TOM1L1: variants seen among roughly 807,000 people sequenced by gnomAD.
TOM1L1 encodes the protein target of myb1 like 1 membrane trafficking protein, also known as TOM1-like protein 1.
In TOM1L1, 64 loss-of-function variants were observed where a neutral mutation model predicts 63.4. That is an observed-to-expected ratio of 1.01 (90% CI 0.83 to 1.24). The LOEUF (loss-of-function observed/expected upper bound fraction) is 1.24. TOM1L1 is among the 50% of genes most tolerant of loss of function. TOM1L1 has a pLI of 0.00. For missense variants in TOM1L1, 536 were observed against 567.0 expected, an observed-to-expected ratio of 0.95 and a Z score of 0.55; for synonymous variants, 166 against 194.4, an observed-to-expected ratio of 0.85 and a Z score of 1.22.
At position 54,915,766 on chromosome 17, in the gene TOM1L1, A is replaced by C. The variant is rs1471134624; in HGVS notation, c.624A>C (p.Glu208Asp). The change falls in exon 7 of 16, where the codon GAA (glutamate) becomes GAC (aspartate). Residue 208 changes from glutamate to aspartate, a missense_variant. Transcript: ENST00000575882. ...TACAGATTGGAAAACTGCACAGTGAATTGGATATGGTGAAAATGAATGTGC... is the reference window on the plus strand; with the variant it reads ...TACAGATTGGAAAACTGCACAGTGACTTGGATATGGTGAAAATGAATGTGC... ...VPEQIGKLHS[E>D]LDMVKMNVRV... 1.2e-6 allele frequency: 2 copies of C among 1,610,832 alleles called. No individual in the cohort carries two copies. Among genetic ancestry groups the C allele is most frequent in the Admixed American group, 1.7e-5 (1 of 59,394 alleles).
intron 11 of TOM1L1, among the ~76,000 whole-genome samples, chr17:54,946,092 C>T (rs889951384): frequency 6.6e-6 from 1 of 152,196 alleles, no homozygotes; most frequent in African/African-American, 2.4e-5. Context: ...GCTCCAATGT[C>T]AGCTACATTT....
At chr17:54,929,281 G>A (rs139744617) in intron 7 of TOM1L1, among the ~76,000 whole-genome samples, 1 of 152,098 alleles carries the variant, frequency 6.6e-6, no homozygotes, top group African/African-American at 2.4e-5. Context: ...AAACACTTTG[G>A]AGTGCTTGTT....
Position 54,961,818 on chromosome 17 carries a change from T to A in TOM1L1, c.*585T>A. The A allele has an allele frequency of 1.0e-6, 1 of 985,100 alleles. No homozygotes were observed. The highest frequency in any genetic ancestry group is 1.2e-6 in the Non-Finnish European group (1 of 829,266). 61.0% of individuals were successfully genotyped at this position (985,100 alleles called of 1,614,324 possible). On this transcript the variant is annotated 3_prime_UTR_variant, in exon 16 of 16. Transcript: ENST00000575882. ...ACTAGACTCTACATTGGGCAGCCTT[T>A]AAATATGATTCTTTGTAATGCTAAA...
chr17:54,915,947 T>C (rs1460420054), intron 7 of TOM1L1, 85 bp downstream of exon 7: 2 of 944,526 alleles, frequency 2.1e-6, no homozygotes, highest in Admixed American at 1.9e-5. Context: ...GAAGACACCT[T>C]AATATTGTCT....
chr17:54,908,220 C>T (rs2048442786), intron 3 of TOM1L1, among the ~76,000 whole-genome samples: 1 of 152,212 alleles, frequency 6.6e-6, no homozygotes, highest in Non-Finnish European at 1.5e-5. Context: ...GGTCACAGTA[C>T]ATTAAAGTCA....
chr17:54,914,615 T>C, intron 5 of TOM1L1, 24 bp from the exon 6 acceptor site: 1 of 1,582,516 alleles, frequency 6.3e-7, no homozygotes, highest in South Asian at 1.1e-5. Context: ...CACATAATAA[T>C]ATTACCATGT....
chr17:54,953,959 AG>A (rs2049363203), intron 14 of TOM1L1: 1 of 152,140 alleles, frequency 6.6e-6, no homozygotes, highest in Admixed American at 6.5e-5. Flanking sequence ...GATTTTCATT[AG>A]GGCCTTGTTC....
At chr17:54,911,305 T>C (rs1056675314) in intron 3 of TOM1L1, among the ~76,000 whole-genome samples, 3 of 152,222 alleles carry the variant, frequency 2.0e-5, no homozygotes, top group African/African-American at 7.2e-5. Flanking sequence ...CCTTGGATTT[T>C]CGTTGGCCCG....
chr17:54,919,498 C>T (rs574663479), intron 7 of TOM1L1, among the ~76,000 whole-genome samples: 23 of 152,232 alleles, frequency 1.5e-4, no homozygotes, highest in African/African-American at 5.5e-4. Context: ...AGTGCTTTGT[C>T]TCAGGGTGTT....
chr17:54,932,769 G>C (rs2048885096), intron 8 of TOM1L1, among the ~76,000 whole-genome samples: 1 of 152,124 alleles, frequency 6.6e-6, no homozygotes, highest in Admixed American at 6.5e-5. Flanking sequence ...TGTTACTCTT[G>C]TTTTCTGTGG....
intron 9 of TOM1L1, 73 bp from the exon 10 acceptor site, chr17:54,937,036 C>A (rs1006749454): frequency 1.6e-6 from 2 of 1,282,798 alleles, no homozygotes; most frequent in Admixed American, 1.7e-5. Flanking sequence ...CTCCCCTCTA[C>A]AAAGGAGAAA....
chr17:54,901,041 CT>C lies in TOM1L1; in HGVS notation c.58+119del. 7 of 1,403,098 alleles carry C rather than the reference CT, an allele frequency of 5.0e-6. No individual in the cohort carries two copies. In the East Asian group the frequency reaches 1.2e-4, roughly 25 times the overall value. 86.9% of individuals were successfully genotyped at this position (1,403,098 alleles called of 1,614,324 possible). ...AGTCCAACTTGAAAAAATTATTCCC[CT>C]CCCCCCGCAACTTTCCCAAGGCACC... On this transcript the variant is annotated intron_variant, in intron 1 of 15. Coordinates refer to ENST00000575882, the MANE Select transcript of TOM1L1 (RefSeq NM_005486.3).
chr17:54,928,702 C>T (rs1038295265), intron 7 of TOM1L1, among the ~76,000 whole-genome samples: 2 of 152,164 alleles, frequency 1.3e-5, no homozygotes, highest in African/African-American at 4.8e-5. Context: ...ACTGTTGACC[C>T]CTACACTATA....
chr17:54,958,038 A>G (rs953937517), intron 14 of TOM1L1: 13 of 152,224 alleles, frequency 8.5e-5, no homozygotes, highest in Non-Finnish European at 4.4e-5. Flanking sequence ...TGCAATTCTT[A>G]GTTAAGTGAA....
intron 8 of TOM1L1, among the ~76,000 whole-genome samples, chr17:54,930,797 A>G (rs1297906802): frequency 6.6e-6 from 1 of 152,126 alleles, no homozygotes; most frequent in Non-Finnish European, 1.5e-5. Flanking sequence ...AGCCAAGATC[A>G]TGCCACTGCA....
chr17:54,913,431 C>G (rs562122594), intron 4 of TOM1L1, among the ~76,000 whole-genome samples: 3 of 151,790 alleles, frequency 2.0e-5, no homozygotes, highest in Admixed American at 6.6e-5. Context: ...TTTGGGAGGC[C>G]GAGGTGGGCA....
At chr17:54,915,651 C>T in intron 6 of TOM1L1, 95 bp from the exon 7 acceptor site, 1 of 806,394 alleles carries the variant, frequency 1.2e-6, no homozygotes, top group South Asian at 3.4e-5. Context: ...TTTGCAAAAG[C>T]ATTTTTTCAT....
At chr17:54,904,492 C>G (rs12949718) in intron 2 of TOM1L1, among the ~76,000 whole-genome samples, 2 of 151,992 alleles carry the variant, frequency 1.3e-5, no homozygotes, top group African/African-American at 4.8e-5. Flanking sequence ...GGTTGACTCC[C>G]GGTGGTGACC....
At chr17:54,905,044 G>A (rs972665691) in intron 2 of TOM1L1, among the ~76,000 whole-genome samples, 2 of 152,126 alleles carry the variant, frequency 1.3e-5, no homozygotes, top group Non-Finnish European at 2.9e-5. Context: ...ACATAAAATT[G>A]TGGCGTATTG....
Sources: gnomAD v4.1 joint callset for allele counts (sites outside exome capture counted in the v4.1 genomes callset) on GRCh38, gnomAD v4.1.1 for gene constraint, MANE v1.5 for transcripts, NCBI Gene and HGNC (gene_info 2026-07-23, HGNC 2026-07-21) for gene names.